The following INTS6L variants were observed in gnomAD, a reference collection of about 807,000 sequenced individuals.
The protein encoded by INTS6L is integrator complex subunit 6-like.
INTS6L carries 18 observed loss-of-function variants against 64.7 expected under a neutral mutation model. The observed-to-expected ratio is 0.28, with a 90% CI of 0.19 to 0.41. The LOEUF is 0.41. INTS6L is among the 10% of genes least tolerant of loss of function. The pLI, the probability that INTS6L is intolerant of heterozygous loss-of-function variation, is 1.00. For missense variants in INTS6L, 533 were observed against 661.0 expected, an observed-to-expected ratio of 0.81 and a Z score of 2.12; for synonymous variants, 227 against 235.9, an observed-to-expected ratio of 0.96 and a Z score of 0.34.
chrX:135,575,325 TG>T, intron 14 of INTS6L, 99 bp downstream of exon 14: 1 of 1,031,469 alleles, frequency 9.7e-7, no homozygotes. Flanking sequence ...GTTCTTCATT[TG>T]TTTGTTTAAA....
chrX:135,552,465 T>G (rs1452571580), intron 8 of INTS6L, among the ~76,000 whole-genome samples: 1 of 112,270 alleles, frequency 8.9e-6, no homozygotes, highest in Non-Finnish European at 1.9e-5. Flanking sequence ...TCACTTCAGG[T>G]ATGGCGTCTG....
At chrX:135,546,157 G>A (rs189024441) in intron 3 of INTS6L, among the ~76,000 whole-genome samples, 431 of 111,874 alleles carry the variant, frequency 3.9e-3, no homozygotes, top group Non-Finnish European at 4.5e-3. Flanking sequence ...TTAATGGTTT[G>A]GGGAGTTCCT....
At chrX:135,580,340 T>C (rs2087339948) in intron 16 of INTS6L, among the ~76,000 whole-genome samples, 178 bp downstream of exon 16, 1 of 112,378 alleles carries the variant, frequency 8.9e-6, no homozygotes. Flanking sequence ...TTCCTGTTTT[T>C]TCCCCTTATT....
chrX:135,573,948 C>A lies in INTS6L; in HGVS notation c.1627C>A (p.Pro543Thr). Residue 543 changes from proline to threonine, a missense_variant, in exon 13 of 18, where the codon CCT becomes ACT. Transcript: ENST00000639893. ...QIGLLNKDLK[P>T]QTYRNAYDIP... ...GTTTCATTTCAAATAGGATTTGAAA[C>A]CTCAGACATACAGAAATGCTTATGA... 8.4e-7 allele frequency: 1 copy of A among 1,194,693 alleles called. No individual in the cohort carries two copies. Among genetic ancestry groups the A allele is most frequent in the Non-Finnish European group, 1.1e-6 (1 of 889,564 alleles).
At chrX:135,554,883 CTTTTTTTTT>C (rs35845600) in intron 8 of INTS6L, among the ~76,000 whole-genome samples, 1 of 50,472 alleles carries the variant, frequency 2.0e-5, no homozygotes, top group African/African-American at 8.8e-5. Context: ...ACCAGCATAA[CTTTTTTTTT>C]TTTTTTTTTT....
At chrX:135,580,960 C>G (rs1297011612) in intron 16 of INTS6L, 90 bp from the exon 17 acceptor site, 2 of 646,467 alleles carry the variant, frequency 3.1e-6, no homozygotes, top group South Asian at 4.4e-5. Context: ...TTTCCACTCA[C>G]GAAGAACAAT....
In INTS6L at chrX:135,579,812, A is replaced by G; in HGVS notation, c.2144A>G (p.His715Arg). 3.4e-6 allele frequency: 4 copies of G among 1,194,022 alleles called. No individual in the cohort carries two copies. In the Middle Eastern group the frequency reaches 7.1e-4, roughly 212 times the overall value. The change falls in exon 16 of 18, where the codon CAT becomes CGT. Residue 715 changes from histidine (H) to arginine (R), a missense_variant. Physicochemically the swap from His to Arg is conservative, Grantham distance 29. Transcript: ENST00000639893. ...HTDATIIHDGHEEKMENGQIT... is the reference protein window; with the variant it reads ...HTDATIIHDGREEKMENGQIT... ...GATGCTACTATCATTCACGATGGCC[A>G]TGAGGAGAAGATGGAAAATGGTCAG...
chrX:135,547,132 G>A lies in INTS6L; in HGVS notation c.614-5G>A. On this transcript the variant is annotated splice_region_variant and splice_polypyrimidine_tract_variant and intron_variant, in intron 5 of 17. Transcript: ENST00000639893. ...TTGTGCTATTTATTTTTCCTTCTGG[G>A]ATAGGTCGCTCCTACTGTGTGAGAA... 1 of 1,205,910 alleles carries A rather than the reference G, an allele frequency of 8.3e-7. No individual in the cohort carries two copies. Among genetic ancestry groups the A allele is most frequent in the Non-Finnish European group, 1.1e-6 (1 of 893,467 alleles).
chrX:135,545,511 G>A lies in INTS6L; in HGVS notation c.278G>A (p.Arg93Lys). 1 of 1,210,397 alleles carries A rather than the reference G, an allele frequency of 8.3e-7. No homozygotes were observed. Among genetic ancestry groups the A allele is most frequent in the East Asian group, 3.0e-5 (1 of 33,813 alleles). ...SGLTTLGQAL[R>K]SSFDLLNLNR... ...CTGACTACTCTCGGTCAGGCTCTAA[G>A]ATCCTCATTTGATTTGTTAAATCTC... Residue 93 changes from arginine (R) to lysine (K), a missense_variant, in exon 3 of 18, where the codon AGA becomes AAA. By Grantham distance (26) the Arg-to-Lys change is conservative. Transcript: ENST00000639893.
rs1274249533 is a variant in INTS6L, at chrX:135,556,436, TTTTG to T, written c.1192+144_1192+147del. ...GATAGAATTTGCATACTGTTTTCTG[TTTTG>T]TTTGTTTTCTTTTTGTTGTTTTTAC... On this transcript the variant is annotated intron_variant, in intron 9 of 17. Transcript: ENST00000639893. The T allele has an allele frequency of 2.6e-5, 15 of 574,093 alleles. No individual in the cohort carries two copies. In the Admixed American group the frequency reaches 2.9e-4, roughly 11 times the overall value. 47.3% of individuals were successfully genotyped at this position (574,093 alleles called of 1,213,427 possible). A position where few individuals can be genotyped will look rare whatever the true frequency, so the allele number is the denominator to read the frequency against.
At chrX:135,559,058 C>T (rs1432284787) in intron 9 of INTS6L, among the ~76,000 whole-genome samples, 3 of 111,562 alleles carry the variant, frequency 2.7e-5, no homozygotes, top group Non-Finnish European at 5.7e-5. Flanking sequence ...GCTGGGATTG[C>T]AGGCATGAGC....
rs1556515582 is a variant in INTS6L at position 135,547,584 on chromosome X, G to A, written c.742+319G>A. On this transcript the variant is annotated intron_variant, in intron 6 of 17. Coordinates refer to ENST00000639893, the MANE Select transcript of INTS6L (RefSeq NM_001351601.3). ...AAAATGTCTGGAGATTCACTATGGT[G>A]TACACTTAAATAATAATCTTGTTTT... Among the ~76,000 whole-genome samples, 5 of 112,031 alleles carry A rather than the reference G, an allele frequency of 4.5e-5. No individual in the cohort carries two copies. The East Asian group carries it at 8.3e-4, about 19-fold the overall frequency.
intron 2 of INTS6L, among the ~76,000 whole-genome samples, chrX:135,534,315 G>A (rs1556507192): frequency 2.7e-5 from 3 of 110,158 alleles, no homozygotes; most frequent in South Asian, 3.9e-4. Flanking sequence ...GCCCAGTTTC[G>A]TTAAAATATG....
rs782654710 is a variant in INTS6L at position 135,543,110 on chromosome X, C to T, written c.190-2313C>T. Among the ~76,000 whole-genome samples the T allele has an allele frequency of 1.1e-3, 118 of 111,430 alleles. 1 individual carries two copies. The highest frequency in any genetic ancestry group is 1.6e-3 in the Non-Finnish European group (86 of 53,071). ...TTCAGCAGTCTCCAAACCAGTTTCC[C>T]TGCCTCAAGCTTCAGCCTCCCCTCC... On this transcript the variant is annotated intron_variant, in intron 2 of 17. Transcript: ENST00000639893.
intron 13 of INTS6L, among the ~76,000 whole-genome samples, chrX:135,574,528 CAGGATA>C (rs1309372730): frequency 8.1e-5 from 9 of 111,611 alleles, no homozygotes; most frequent in African/African-American, 2.9e-4. Flanking sequence ...TAATGGTATC[CAGGATA>C]ATTGTGACTA....
At chrX:135,574,399 T>C (rs1370474769) in intron 13 of INTS6L, among the ~76,000 whole-genome samples, 3 of 111,621 alleles carry the variant, frequency 2.7e-5, no homozygotes, top group Non-Finnish European at 5.6e-5. Flanking sequence ...TTTAGCCAGT[T>C]GGAAAGTGGC....
In INTS6L at chrX:135,575,819, T is replaced by C. The variant is rs1352815358; in HGVS notation, c.1884+593T>C. Among the ~76,000 whole-genome samples, 3 of 110,382 alleles carry C rather than the reference T, an allele frequency of 2.7e-5. No homozygotes were observed. The East Asian group carries it at 8.5e-4, about 31-fold the overall frequency. On this transcript the variant is annotated intron_variant, in intron 14 of 17. Coordinates refer to ENST00000639893, the MANE Select transcript of INTS6L (RefSeq NM_001351601.3). ...GTGTGTGTGTGTGTGTATGTGTGTGTGTGTGTGTTATACTGACTTGCCCAT... is the reference window on the plus strand; with the variant it reads ...GTGTGTGTGTGTGTGTATGTGTGTGCGTGTGTGTTATACTGACTTGCCCAT...
In INTS6L at chrX:135,521,064, T is replaced by C. The variant is rs150246034; in HGVS notation, c.72T>C (p.Tyr24=). 4.0e-5 allele frequency: 48 copies of C among 1,209,531 alleles called. No individual in the cohort carries two copies. The highest frequency in any genetic ancestry group is 5.0e-5 in the Non-Finnish European group (45 of 894,984). Residue 24 remains tyrosine (Y), a synonymous_variant, in exon 1 of 18, where the codon TAT becomes TAC. Transcript: ENST00000639893. The stretch of plus-strand genomic sequence containing the variant: ...AGCGCACTGACCTGGGCACCTCTTA[T>C]TTGGACATTGCCAAAGGCGCTGTGG... ...MNQRTDLGTS[Y]LDIAKGAVEL...
chrX:135,568,588 C>G (rs1556525953), intron 9 of INTS6L, among the ~76,000 whole-genome samples: 1 of 111,165 alleles, frequency 9.0e-6, no homozygotes, highest in Non-Finnish European at 1.9e-5. Context: ...CTTGCTCTGT[C>G]ACCCAGGCTG....
Sources: allele counts gnomAD v4.1 joint callset (sites outside exome capture counted in the v4.1 genomes callset), GRCh38; gene constraint gnomAD v4.1.1; transcripts MANE v1.5; gene names NCBI Gene and HGNC (gene_info 2026-07-23, HGNC 2026-07-21).